The following ANKH variants were observed in gnomAD, a reference collection of about 807,000 sequenced individuals.
The protein encoded by ANKH is mineralization regulator ANKH.
In ANKH, 15 loss-of-function variants were observed where a neutral mutation model predicts 49.0. The observed-to-expected ratio is 0.31, with a 90% CI of 0.20 to 0.47. ANKH has a LOEUF of 0.47. Among genes scored for constraint, ANKH ranks in the 20% least tolerant of loss-of-function variants. ANKH has a pLI of 1.00. For synonymous variants in ANKH, 273 were observed against 260.0 expected (o/e 1.05, Z -0.48); for missense variants, 429 against 652.0 (o/e 0.66, Z 3.72).
intron 1 of ANKH, among the ~76,000 whole-genome samples, chr5:14,858,999 G>A (rs1272856782): frequency 1.3e-5 from 2 of 151,550 alleles, no homozygotes; most frequent in African/African-American, 2.4e-5. Flanking sequence ...GGCTTATGGT[G>A]TTAATTGAAA....
chr5:14,764,097 A>AATTAAATAAATAAATAAAT (rs1561044517), intron 2 of ANKH, among the ~76,000 whole-genome samples: 13 of 78,004 alleles, frequency 1.7e-4, no homozygotes, highest in African/African-American at 5.7e-4. Flanking sequence ...AATAAATAAA[A>AATTAAATAAATAAATAAAT]ATAAAAAAAG....
At chr5:14,794,114 A>C (rs1469300014) in intron 1 of ANKH, among the ~76,000 whole-genome samples, 4 of 152,240 alleles carry the variant, frequency 2.6e-5, no homozygotes, top group Admixed American at 2.0e-4. Flanking sequence ...AACTAACTGC[A>C]TGGCTGTATT....
At position 14,713,100 on chromosome 5, in the gene ANKH, T is replaced by G. The variant is rs545603278; in HGVS notation, c.1266-127A>C. 1 of 950,330 alleles carries G rather than the reference T, an allele frequency of 1.1e-6. No homozygotes were observed. The highest frequency in any genetic ancestry group is 1.4e-5 in the South Asian group (1 of 71,096). 58.9% of individuals were successfully genotyped at this position (950,330 alleles called of 1,614,324 possible). On this transcript the variant is annotated intron_variant, in intron 10 of 11. Transcript: ENST00000284268. The surrounding 1 kb of genome is among the most constrained non-coding windows in gnomAD (Gnocchi z 4.4). ...GAGACCAGCGGCGTTCTCCATCTGC[T>G]GGCTTCGTAAGGGCCGCAGCTAATA...
intron 8 of ANKH, among the ~76,000 whole-genome samples, chr5:14,732,896 C>G (rs1738048763): frequency 6.6e-6 from 1 of 152,118 alleles, no homozygotes; most frequent in South Asian, 2.1e-4. Context: ...GCCTCCATCC[C>G]TCTTCCCTCA....
At chr5:14,757,981 C>G (rs1176485623) in intron 3 of ANKH, among the ~76,000 whole-genome samples, 7 of 152,208 alleles carry the variant, frequency 4.6e-5, no homozygotes, top group Admixed American at 2.0e-4. Flanking sequence ...CACTCACGTT[C>G]ATAGCAGCGT....
chr5:14,840,826 G>C (rs1004673), intron 1 of ANKH, among the ~76,000 whole-genome samples: 52,896 of 152,018 alleles, frequency 0.35, 9,252 homozygotes, highest in Admixed American at 0.4. Context: ...CCTAAAGACA[G>C]CCAAGGGGCA....
intron 8 of ANKH, chr5:14,741,534 A>G (rs1358325850): frequency 3.2e-6 from 1 of 309,256 alleles, no homozygotes; most frequent in Non-Finnish European, 6.1e-6. Flanking sequence ...AAAGTGGGCT[A>G]GAAATTTTTC....
intron 1 of ANKH, among the ~76,000 whole-genome samples, chr5:14,780,335 G>T (rs1462366586): frequency 6.6e-6 from 1 of 152,200 alleles, no homozygotes; most frequent in African/African-American, 2.4e-5. Flanking sequence ...CTGAGGTCAG[G>T]AGTTCAAGAC....
chr5:14,781,894 C>A (rs1739818363), intron 1 of ANKH, among the ~76,000 whole-genome samples: 1 of 152,168 alleles, frequency 6.6e-6, no homozygotes, highest in South Asian at 2.1e-4. Flanking sequence ...AAGATTCTGT[C>A]CAGATTTTGA....
chr5:14,771,819 G>A (rs1282469621), intron 1 of ANKH, among the ~76,000 whole-genome samples: 1 of 150,906 alleles, frequency 6.6e-6, no homozygotes, highest in Non-Finnish European at 1.5e-5. Flanking sequence ...TACTCGGGAG[G>A]CTGAGAGTCA....
intron 8 of ANKH, among the ~76,000 whole-genome samples, chr5:14,733,601 T>A (rs1419097535): frequency 6.6e-6 from 1 of 152,244 alleles, no homozygotes; most frequent in Admixed American, 6.5e-5. Context: ...CTGTTTTAGA[T>A]CCTCATCGTG....
intron 1 of ANKH, among the ~76,000 whole-genome samples, chr5:14,837,934 T>TA (rs1276964166): frequency 9.2e-5 from 14 of 152,168 alleles, no homozygotes; most frequent in Non-Finnish European, 1.9e-4. Flanking sequence ...TATGCAGCCA[T>TA]AAAAAATGAT....
chr5:14,735,106 T>A (rs1328508127), intron 8 of ANKH, among the ~76,000 whole-genome samples: 1 of 152,206 alleles, frequency 6.6e-6, no homozygotes, highest in East Asian at 1.9e-4. Flanking sequence ...CTGGTACTTC[T>A]ATCAGTAGCT....
intron 1 of ANKH, among the ~76,000 whole-genome samples, chr5:14,785,792 C>T (rs1473643925): frequency 1.3e-5 from 2 of 151,944 alleles, no homozygotes; most frequent in East Asian, 1.9e-4. Context: ...TGGTGGCTCA[C>T]GCCTGTAATC....
intron 1 of ANKH, among the ~76,000 whole-genome samples, chr5:14,800,850 G>A (rs776539004): frequency 6.0e-5 from 9 of 149,134 alleles, no homozygotes; most frequent in Non-Finnish European, 8.9e-5. Flanking sequence ...CCTCAGCCTC[G>A]GGTAGCTGGG....
At chr5:14,859,525 G>A (rs562294291) in intron 1 of ANKH, among the ~76,000 whole-genome samples, 11 of 152,270 alleles carry the variant, frequency 7.2e-5, no homozygotes, top group African/African-American at 2.2e-4. Flanking sequence ...TCCACCTGCT[G>A]AAAAGCCACT....
chr5:14,826,964 G>A (rs940427095), intron 1 of ANKH, among the ~76,000 whole-genome samples: 1 of 152,128 alleles, frequency 6.6e-6, no homozygotes, highest in Non-Finnish European at 1.5e-5. Context: ...GTGAGAATGT[G>A]GGAAGTCTGG....
chr5:14,784,580 T>C (rs917923825), intron 1 of ANKH, among the ~76,000 whole-genome samples: 2 of 152,228 alleles, frequency 1.3e-5, no homozygotes, highest in Non-Finnish European at 2.9e-5. Context: ...TTTGGGGAAC[T>C]GTAGTGCCCT....
chr5:14,834,199 G>C (rs1741588666), intron 1 of ANKH, among the ~76,000 whole-genome samples: 2 of 151,442 alleles, frequency 1.3e-5, no homozygotes, highest in African/African-American at 4.9e-5. Context: ...TCTGCTGTCT[G>C]ACCCTAGACA....
Sources: allele counts gnomAD v4.1 joint callset (sites outside exome capture counted in the v4.1 genomes callset), GRCh38; gene constraint gnomAD v4.1.1; non-coding constraint Gnocchi (gnomAD v3.1); transcripts MANE v1.5; gene names NCBI Gene and HGNC (gene_info 2026-07-23, HGNC 2026-07-21).